The following POLRMT variants were observed in gnomAD, a reference collection of about 807,000 sequenced individuals.
POLRMT encodes the protein RNA polymerase mitochondrial.
Under a neutral mutation model 132.2 loss-of-function variants are expected in POLRMT, and 114 were observed. The observed-to-expected ratio is 0.86, with a 90% CI of 0.74 to 1.01. The LOEUF is 1.01. POLRMT is among the 50% of genes least tolerant of loss of function. The pLI is 0.00. For missense variants in POLRMT, 2,003 were observed against 1,729.1 expected, an observed-to-expected ratio of 1.16 and a Z score of -2.81; for synonymous variants, 1,020 against 773.4, an observed-to-expected ratio of 1.32 and a Z score of -5.29.
At chr19:632,219 G>A (rs1010548051) in intron 2 of POLRMT, among the ~76,000 whole-genome samples, 28 of 151,962 alleles carry the variant, frequency 1.8e-4, no homozygotes, top group African/African-American at 6.3e-4. Context: ...ACAGGCGTGA[G>A]CCACCGCACC....
In POLRMT at chr19:619,598, G is replaced by T; in HGVS notation, c.3054C>A (p.Ser1018Arg). ...LQIEKRLREL[S>R]DFPQEFVWEA... ...ATGCCTGGCGCACCTGGGGAAAGTCGCTCAGCTCCCGGAGGCGCTTCTCAA... is the reference window on the plus strand; with the variant it reads ...ATGCCTGGCGCACCTGGGGAAAGTCTCTCAGCTCCCGGAGGCGCTTCTCAA... The change falls in exon 13 of 21, where the codon AGC (serine) becomes AGA (arginine). Residue 1018 changes from serine (S) to arginine (R), a missense_variant. Physicochemically the swap from Ser to Arg is moderately radical, Grantham distance 110 (BLOSUM62 -1). Transcript: ENST00000588649. 6.2e-7 allele frequency: 1 copy of T among 1,611,250 alleles called. No homozygotes were observed. The highest frequency in any genetic ancestry group is 8.5e-7 in the Non-Finnish European group (1 of 1,179,618).
intron 10 of POLRMT, 83 bp from the exon 11 acceptor site, chr19:620,570 A>C: frequency 7.0e-7 from 1 of 1,430,664 alleles, no homozygotes; most frequent in South Asian, 1.5e-5. Flanking sequence ...GGGAGGTGGG[A>C]AATGGGGAGG....
chr19:630,862 G>A (rs1443201081), intron 2 of POLRMT, among the ~76,000 whole-genome samples: 1 of 152,182 alleles, frequency 6.6e-6, no homozygotes, highest in Non-Finnish European at 1.5e-5. Context: ...AAGCCTTGTT[G>A]GAAATCTATT....
At chr19:620,307 C>T in intron 11 of POLRMT, 58 bp downstream of exon 11, 3 of 1,490,100 alleles carry the variant, frequency 2.0e-6, no homozygotes, top group Non-Finnish European at 2.7e-6. Context: ...ACCCTCAAGT[C>T]GAGCCCCAGG....
At chr19:624,950 T>G (rs1984917449) in intron 4 of POLRMT, 45 bp from the exon 5 acceptor site, 1 of 1,570,546 alleles carries the variant, frequency 6.4e-7, no homozygotes. Context: ...AGCCCCACGC[T>G]GGGCTTCCAC....
At chr19:619,422 T>C in intron 13 of POLRMT, 126 bp from the exon 14 acceptor site, 1 of 1,359,898 alleles carries the variant, frequency 7.4e-7, no homozygotes, top group East Asian at 2.3e-5. Context: ...GAATGGGGCC[T>C]GGCGCCCACG....
chr19:633,229 C>T, intron 1 of POLRMT, 196 bp downstream of exon 1: 2 of 679,814 alleles, frequency 2.9e-6, no homozygotes, highest in South Asian at 3.1e-5. Context: ...TAAGAAACCA[C>T]GAGTCAAAGG....
Position 619,202 on chromosome 19 carries a change from G to T in POLRMT, c.3153+8C>A. Reference sequence around the variant, plus strand: ...GTCCTGGCCGAGCGGGGACAGGACAGGACGTACCTGGATGGCCCGGGTCCC... The same window carrying T: ...GTCCTGGCCGAGCGGGGACAGGACATGACGTACCTGGATGGCCCGGGTCCC... On this transcript the variant is annotated splice_region_variant and intron_variant, in intron 14 of 20. Coordinates refer to ENST00000588649, the MANE Select transcript of POLRMT (RefSeq NM_005035.4). 1.2e-6 allele frequency: 2 copies of T among 1,611,582 alleles called. No homozygotes were observed. The highest frequency in any genetic ancestry group is 1.7e-6 in the Non-Finnish European group (2 of 1,179,420).
At chr19:630,310 C>T in intron 2 of POLRMT, 142 bp from the exon 3 acceptor site, 2 of 1,017,248 alleles carry the variant, frequency 2.0e-6, no homozygotes, top group Non-Finnish European at 2.8e-6. Flanking sequence ...TACTTGCCAA[C>T]AACGTTGTAA....
In POLRMT at chr19:630,021, G is replaced by A. The variant is rs776381106; in HGVS notation, c.341C>T (p.Ala114Val). 2 of 1,613,682 alleles carry A rather than the reference G, an allele frequency of 1.2e-6. No homozygotes were observed. The highest frequency in any genetic ancestry group is 2.2e-5 in the East Asian group (1 of 44,896). Reference protein sequence around the residue: ...PRKVQMGAKDATPVPCGRWAK... With the variant: ...PRKVQMGAKDVTPVPCGRWAK... ...CCAGCGGCCACAGGGCACCGGGGTG[G>A]CATCCTTGGCCCCCATCTGGACCTT... Residue 114 changes from alanine (A) to valine (V), a missense_variant, in exon 3 of 21, where the codon GCC becomes GTC. Coordinates refer to ENST00000588649, the MANE Select transcript of POLRMT (RefSeq NM_005035.4).
chr19:619,524 C>T, intron 13 of POLRMT, 62 bp downstream of exon 13: 1 of 1,592,262 alleles, frequency 6.3e-7, no homozygotes, highest in Non-Finnish European at 8.6e-7. Flanking sequence ...CGGGGGCACA[C>T]CCGTCTGAGT....
rs992129991 is a variant in POLRMT at position 632,952 on chromosome 19, G to C, written c.89-14C>G. The stretch of plus-strand genomic sequence containing the variant: ...CACCGGCGGTCCCTGCGGGAAAGAC[G>C]AGAGCGGCTGAGCGGGGCCGGGCGT... On this transcript the variant is annotated splice_polypyrimidine_tract_variant and intron_variant, in intron 1 of 20. Transcript: ENST00000588649. 3 of 1,486,318 alleles carry C rather than the reference G, an allele frequency of 2.0e-6. No individual in the cohort carries two copies. The highest frequency in any genetic ancestry group is 2.7e-5 in the East Asian group (1 of 36,846). The allele number at this position is 1,486,318 out of a possible 1,614,324, so 92.1% of individuals were successfully genotyped here.
At position 617,267 on chromosome 19, in the gene POLRMT, C is replaced by T. The variant is rs757728566; in HGVS notation, c.*7G>A. On this transcript the variant is annotated 3_prime_UTR_variant, in exon 21 of 21. Transcript: ENST00000588649. ...TTTATTTACACACTGACAAGGCTCACGGGGTGTCAGCTGAAGAAGTAGGTG... is the reference window on the plus strand; with the variant it reads ...TTTATTTACACACTGACAAGGCTCATGGGGTGTCAGCTGAAGAAGTAGGTG... 1.2e-5 allele frequency: 19 copies of T among 1,612,592 alleles called. No homozygotes were observed. The highest frequency in any genetic ancestry group is 1.6e-5 in the Non-Finnish European group (19 of 1,179,850).
chr19:618,901 T>A, intron 15 of POLRMT, 96 bp downstream of exon 15: 1 of 1,350,500 alleles, frequency 7.4e-7, no homozygotes, highest in Admixed American at 2.0e-5. Flanking sequence ...GGGGCGGTGG[T>A]ACACTGGGGT....
chr19:620,499 GC>G lies in POLRMT; in HGVS notation c.2641-13del. ...CACCACTTTCGGCCCTGCGGGGACA[GC>G]GGATGGGGGGCAGTGAGGCCCGGGC... is the stretch of plus-strand genomic sequence containing the variant. On this transcript the variant is annotated splice_polypyrimidine_tract_variant and intron_variant, in intron 10 of 20. Coordinates refer to ENST00000588649, the MANE Select transcript of POLRMT (RefSeq NM_005035.4). The G allele has an allele frequency of 6.4e-7, 1 of 1,563,660 alleles. No individual in the cohort carries two copies. The highest frequency in any genetic ancestry group is 1.2e-5 in the South Asian group (1 of 84,046).
In POLRMT at chr19:619,088, C is replaced by A; in HGVS notation, c.3176G>T (p.Arg1059Leu). The A allele has an allele frequency of 6.2e-7, 1 of 1,611,102 alleles. No individual in the cohort carries two copies. The highest frequency in any genetic ancestry group is 8.5e-7 in the Non-Finnish European group (1 of 1,179,164). Reference sequence around the variant, plus strand: ...CACAGAGCCCATGTGGGAGATGAGGCGGGCACTCTCGGTCAGCCAGTGCTG... The same window carrying A: ...CACAGAGCCCATGTGGGAGATGAGGAGGGCACTCTCGGTCAGCCAGTGCTG... ...AIQHWLTESA[R>L]LISHMGSVVE... Residue 1059 changes from arginine to leucine, a missense_variant, in exon 15 of 21, where the codon CGC (arginine) becomes CTC (leucine). Arg to Leu is a moderately radical substitution (Grantham distance 102). Coordinates refer to ENST00000588649, the MANE Select transcript of POLRMT (RefSeq NM_005035.4).
intron 18 of POLRMT, 23 bp downstream of exon 18, chr19:617,754 T>C (rs774797564): frequency 1.2e-6 from 2 of 1,612,702 alleles, no homozygotes; most frequent in Non-Finnish European, 1.7e-6. Flanking sequence ...ATGGGTGGAC[T>C]GAGGCTCAGA....
chr19:632,666 G>A (rs1039150783), intron 2 of POLRMT, among the ~76,000 whole-genome samples, 168 bp downstream of exon 2: 5 of 152,218 alleles, frequency 3.3e-5, no homozygotes, highest in Non-Finnish European at 7.3e-5. Flanking sequence ...CAAGGACAGG[G>A]CCCATGAGCG....
intron 9 of POLRMT, 24 bp downstream of exon 9, chr19:622,125 G>C: frequency 6.6e-7 from 1 of 1,522,234 alleles, no homozygotes; most frequent in Middle Eastern, 2.3e-4. Flanking sequence ...ATGCCCCCCA[G>C]CTCAGGAGGG....
Sources: gnomAD v4.1 joint callset for allele counts (sites outside exome capture counted in the v4.1 genomes callset) on GRCh38, gnomAD v4.1.1 for gene constraint, MANE v1.5 for transcripts, NCBI Gene and HGNC (gene_info 2026-07-23, HGNC 2026-07-21) for gene names.